The following PAK5 variants were observed in gnomAD, a reference collection of about 807,000 sequenced individuals.
PAK5 encodes serine/threonine-protein kinase PAK 5.
A neutral mutation model predicts 65.9 loss-of-function variants in PAK5; 16 were observed. The ratio of observed to expected loss-of-function variants is 0.24; its 90% CI spans 0.16 to 0.37. The LOEUF (loss-of-function observed/expected upper bound fraction) is 0.37. Among genes scored for constraint, PAK5 ranks in the 10% least tolerant of loss-of-function variants. The pLI, the probability that PAK5 is intolerant of heterozygous loss-of-function variation, is 1.00. For synonymous variants in PAK5, 371 were observed against 354.9 expected (o/e 1.05, Z -0.51); for missense variants, 785 against 903.9 (o/e 0.87, Z 1.69).
intron 2 of PAK5, among the ~76,000 whole-genome samples, chr20:9,676,881 A>C (rs983461927): frequency 6.6e-6 from 1 of 152,204 alleles, no homozygotes; most frequent in Non-Finnish European, 1.5e-5. Context: ...GCATTAATGC[A>C]TATCTGATAT....
chr20:9,815,314 T>C (rs1600404249), intron 1 of PAK5, among the ~76,000 whole-genome samples: 1 of 152,202 alleles, frequency 6.6e-6, no homozygotes, highest in Non-Finnish European at 1.5e-5. Flanking sequence ...ATTGAAAATA[T>C]GAATATGAAT....
At chr20:9,676,694 T>C (rs777361511) in intron 2 of PAK5, among the ~76,000 whole-genome samples, 2 of 152,206 alleles carry the variant, frequency 1.3e-5, no homozygotes, top group Non-Finnish European at 2.9e-5. Context: ...TAGATCAGTA[T>C]ACACACATAC....
Position 9,542,702 on chromosome 20 carries a change from C to A in PAK5, c.1888G>T (p.Gly630Trp). ...TCAATCATTTCTATCACCATGATCC[C>A]GAGGGACCAGATGTCCACCTGTTAG... ...YGTEVDIWSL[G>W]IMVIEMIDGE... The change falls in exon 9 of 10, where the codon GGG becomes TGG. Residue 630 changes from glycine to tryptophan, a missense_variant. Transcript: ENST00000353224. 6.2e-7 allele frequency: 1 copy of A among 1,614,030 alleles called. No homozygotes were observed. The highest frequency in any genetic ancestry group is 8.5e-7 in the Non-Finnish European group (1 of 1,179,954).
At chr20:9,773,101 A>G (rs6141034) in intron 1 of PAK5, among the ~76,000 whole-genome samples, 117,626 of 152,110 alleles carry the variant, frequency 0.77, 45,514 homozygotes, top group East Asian at 0.87. Flanking sequence ...CCATCCAAGA[A>G]GATCTCTCTG....
intron 3 of PAK5, among the ~76,000 whole-genome samples, chr20:9,611,582 C>A (rs1414522369): frequency 6.6e-6 from 1 of 152,164 alleles, no homozygotes. Flanking sequence ...TCTAGTCACC[C>A]CTTTGAGTTA....
At chr20:9,787,619 A>ATGTGTGTGTGTG (rs3061911) in intron 1 of PAK5, among the ~76,000 whole-genome samples, 1 of 146,532 alleles carries the variant, frequency 6.8e-6, no homozygotes. Context: ...TATGAAAAGG[A>ATGTGTGTGTGTG]TGTGTGTGTG....
chr20:9,756,024 G>A (rs742449), intron 1 of PAK5, among the ~76,000 whole-genome samples: 1 of 152,044 alleles, frequency 6.6e-6, no homozygotes, highest in South Asian at 2.1e-4. Context: ...TCACTGAGGG[G>A]CCACAGGGCC....
At chr20:9,626,812 G>C (rs2046850966) in intron 3 of PAK5, among the ~76,000 whole-genome samples, 1 of 151,878 alleles carries the variant, frequency 6.6e-6, no homozygotes, top group Non-Finnish European at 1.5e-5. Flanking sequence ...GCTGTGACAA[G>C]TTACTGAGAA....
intron 2 of PAK5, among the ~76,000 whole-genome samples, chr20:9,679,519 T>A (rs953600164): frequency 6.6e-6 from 1 of 152,172 alleles, no homozygotes; most frequent in Non-Finnish European, 1.5e-5. Flanking sequence ...TAAACACCTT[T>A]TTTTTCTCAT....
intron 2 of PAK5, among the ~76,000 whole-genome samples, chr20:9,654,299 C>T (rs1448084522): frequency 6.6e-6 from 1 of 152,130 alleles, no homozygotes; most frequent in Non-Finnish European, 1.5e-5. Flanking sequence ...CTCTGACTCT[C>T]TTATTTTGTC....
intron 1 of PAK5, among the ~76,000 whole-genome samples, chr20:9,726,556 G>A (rs543298782): frequency 3.9e-5 from 6 of 152,200 alleles, no homozygotes; most frequent in East Asian, 1.9e-4. Flanking sequence ...CTAAATGCAG[G>A]TCAAAATTGA....
intron 3 of PAK5, among the ~76,000 whole-genome samples, chr20:9,611,510 T>G (rs1057406924): frequency 1.3e-5 from 2 of 152,184 alleles, no homozygotes; most frequent in Non-Finnish European, 2.9e-5. Flanking sequence ...TCAAAAGCTC[T>G]TTTCTTGTCA....
chr20:9,776,887 C>A (rs2064499070), intron 1 of PAK5, among the ~76,000 whole-genome samples: 1 of 152,050 alleles, frequency 6.6e-6, no homozygotes, highest in South Asian at 2.1e-4. Context: ...ATAAGAAATG[C>A]TTTTGAGGCC....
At chr20:9,690,360 AAAG>A (rs2047775918) in intron 2 of PAK5, among the ~76,000 whole-genome samples, 1 of 152,162 alleles carries the variant, frequency 6.6e-6, no homozygotes, top group African/African-American at 2.4e-5. Context: ...ATCATTTTTG[AAAG>A]AAGAAATATG....
At chr20:9,671,254 TGG>T (rs2047493344) in intron 2 of PAK5, among the ~76,000 whole-genome samples, 1 of 152,164 alleles carries the variant, frequency 6.6e-6, no homozygotes, top group African/African-American at 2.4e-5. Flanking sequence ...CTTAGCAATG[TGG>T]GCTCTTTTTT....
chr20:9,676,070 C>A (rs1340872859), intron 2 of PAK5, among the ~76,000 whole-genome samples: 1 of 152,090 alleles, frequency 6.6e-6, no homozygotes, highest in Non-Finnish European at 1.5e-5. Context: ...GCCTCACAAT[C>A]ATGTTGGAAG....
chr20:9,676,668 G>A (rs765536864), intron 2 of PAK5, among the ~76,000 whole-genome samples: 1 of 152,080 alleles, frequency 6.6e-6, no homozygotes, highest in Non-Finnish European at 1.5e-5. Context: ...AAGTCTTTAG[G>A]AGAATATTGA....
chr20:9,693,638 ATG>A (rs959973551), intron 2 of PAK5, among the ~76,000 whole-genome samples: 10 of 152,210 alleles, frequency 6.6e-5, no homozygotes, highest in African/African-American at 2.4e-4. Flanking sequence ...CAGATATATT[ATG>A]TGTTACTGTA....
At chr20:9,555,338 A>G (rs954630780) in intron 7 of PAK5, among the ~76,000 whole-genome samples, 1 of 152,224 alleles carries the variant, frequency 6.6e-6, no homozygotes, top group Admixed American at 6.5e-5. Context: ...CAACTCAATG[A>G]TTTAAAAATC....
Sources: allele counts gnomAD v4.1 joint callset (sites outside exome capture counted in the v4.1 genomes callset), GRCh38; gene constraint gnomAD v4.1.1; transcripts MANE v1.5; gene names NCBI Gene and HGNC (gene_info 2026-07-23, HGNC 2026-07-21).